The following NAALADL2 variants were observed in gnomAD, a reference collection of about 807,000 sequenced individuals.
NAALADL2 encodes the protein N-acetylated alpha-linked acidic dipeptidase like 2.
A neutral mutation model predicts 87.2 loss-of-function variants in NAALADL2; 76 were observed. The ratio of observed to expected loss-of-function variants is 0.87; its 90% CI spans 0.72 to 1.05. The LOEUF is 1.05. NAALADL2 is among the 50% of genes least tolerant of loss of function. The pLI is 0.00. For synonymous variants in NAALADL2, 354 were observed against 331.0 expected, an observed-to-expected ratio of 1.07 and a Z score of -0.75; for missense variants, 1,089 against 945.8, an observed-to-expected ratio of 1.15 and a Z score of -1.99.
chr3:174,660,744 AAAAG>A (rs1453627225), intron 2 of NAALADL2, among the ~76,000 whole-genome samples: 4 of 152,180 alleles, frequency 2.6e-5, no homozygotes, highest in South Asian at 2.1e-4. Flanking sequence ...TTAATAAACA[AAAAG>A]AACATAATTT....
chr3:175,486,131 T>C (rs1727226344), intron 9 of NAALADL2, among the ~76,000 whole-genome samples: 1 of 152,182 alleles, frequency 6.6e-6, no homozygotes, highest in Non-Finnish European at 1.5e-5. Flanking sequence ...CAAAAAGTTG[T>C]TCTGAAAATC....
chr3:175,592,161 G>A (rs1033288175), intron 10 of NAALADL2, among the ~76,000 whole-genome samples: 10 of 152,050 alleles, frequency 6.6e-5, no homozygotes, highest in Non-Finnish European at 1.5e-4. Context: ...GGGTATAATG[G>A]TATCTTTTTA....
intron 2 of NAALADL2, among the ~76,000 whole-genome samples, chr3:175,220,524 C>A (rs1393422687): frequency 1.3e-5 from 2 of 151,772 alleles, no homozygotes; most frequent in Non-Finnish European, 2.9e-5. Context: ...CTGTTTAATA[C>A]CTGTAAGATC....
At chr3:175,108,540 G>A (rs1427610908) in intron 2 of NAALADL2, among the ~76,000 whole-genome samples, 2 of 151,936 alleles carry the variant, frequency 1.3e-5, no homozygotes, top group African/African-American at 2.4e-5. Flanking sequence ...TAAAACAAGT[G>A]TGGGTGTTTT....
chr3:175,104,040 T>TA (rs748199311), intron 2 of NAALADL2, among the ~76,000 whole-genome samples: 1 of 152,160 alleles, frequency 6.6e-6, no homozygotes. Flanking sequence ...ACTCAGACAT[T>TA]AGGTTTGTTT....
chr3:174,756,527 T>G (rs1712102674), intron 3 of NAALADL2, among the ~76,000 whole-genome samples: 2 of 152,162 alleles, frequency 1.3e-5, no homozygotes, highest in African/African-American at 2.4e-5. Context: ...CCAAATAGTA[T>G]TAAGTTATTT....
intron 1 of NAALADL2, among the ~76,000 whole-genome samples, chr3:174,504,973 C>T (rs1719112831): frequency 6.6e-6 from 1 of 152,106 alleles, no homozygotes; most frequent in East Asian, 1.9e-4. Context: ...TAAACCATCT[C>T]CACTAATGGA....
intron 9 of NAALADL2, among the ~76,000 whole-genome samples, chr3:175,553,147 T>TA (rs1301801666): frequency 6.6e-6 from 1 of 152,162 alleles, no homozygotes; most frequent in Non-Finnish European, 1.5e-5. Flanking sequence ...TCCCAGAAAG[T>TA]AAACAGAAAT....
chr3:174,839,220 G>A lies in NAALADL2; in HGVS notation c.-9+101474G>A, dbSNP rs1429286523. Among the ~76,000 whole-genome samples, 11 of 152,092 alleles carry A rather than the reference G, an allele frequency of 7.2e-5. 1 individual carries two copies. In the East Asian group the frequency reaches 2.1e-3, roughly 29 times the overall value. ...TTACAGCCAACTGATCTTTGACAAA[G>A]CAAACAAAAACATAAAGTGGGCAAA... On this transcript the variant is annotated intron_variant, in intron 3 of 3. Coordinates refer to the NAALADL2 transcript ENST00000434257.
At chr3:174,508,083 T>G (rs956153999) in intron 1 of NAALADL2, among the ~76,000 whole-genome samples, 1 of 151,534 alleles carries the variant, frequency 6.6e-6, no homozygotes, top group Non-Finnish European at 1.5e-5. Context: ...TATGGCCAGT[T>G]TTTTAAATTT....
At chr3:174,872,124 G>T (rs1315591823) in intron 1 of NAALADL2, among the ~76,000 whole-genome samples, 5 of 152,106 alleles carry the variant, frequency 3.3e-5, no homozygotes, top group Admixed American at 1.3e-4. Flanking sequence ...CATACTTGAA[G>T]TAGTAATATG....
At chr3:175,020,727 T>C (rs1041947914) in intron 1 of NAALADL2, among the ~76,000 whole-genome samples, 3 of 152,040 alleles carry the variant, frequency 2.0e-5, no homozygotes, top group African/African-American at 7.2e-5. Flanking sequence ...GCCATACCAG[T>C]TCAGAAGTCA....
At chr3:175,646,928 G>A (rs9865296) in intron 11 of NAALADL2, among the ~76,000 whole-genome samples, 41,566 of 151,870 alleles carry the variant, frequency 0.27, 6,746 homozygotes, top group African/African-American at 0.46. Context: ...GAGTTCAAAA[G>A]TCTCAATAAC....
At chr3:175,231,937 A>G (rs1016854413) in intron 2 of NAALADL2, among the ~76,000 whole-genome samples, 3 of 152,074 alleles carry the variant, frequency 2.0e-5, no homozygotes, top group Non-Finnish European at 4.4e-5. Context: ...CAATGGAGAA[A>G]GGGGGTAGGA....
chr3:174,626,048 G>T, intron 2 of NAALADL2, among the ~76,000 whole-genome samples: 1 of 148,206 alleles, frequency 6.7e-6, no homozygotes, highest in Non-Finnish European at 1.5e-5. Context: ...TATATTTATT[G>T]TGCACAACTA....
intron 5 of NAALADL2, among the ~76,000 whole-genome samples, chr3:175,432,823 A>C (rs549524117): frequency 6.6e-6 from 1 of 152,186 alleles, no homozygotes; most frequent in East Asian, 1.9e-4. Context: ...CCGGACTTTG[A>C]CATGCTGACC....
chr3:175,179,927 TG>T (rs1204166335), intron 2 of NAALADL2, among the ~76,000 whole-genome samples: 1 of 152,040 alleles, frequency 6.6e-6, no homozygotes, highest in Non-Finnish European at 1.5e-5. Flanking sequence ...CATAGATTTT[TG>T]TTTGCCTTTA....
upstream of NAALADL2, among the ~76,000 whole-genome samples, chr3:174,857,689 C>A (rs553324112): frequency 1.3e-5 from 2 of 151,934 alleles, no homozygotes; most frequent in East Asian, 3.9e-4. Flanking sequence ...ATATATATTA[C>A]AGTATGCAAT....
intron 3 of NAALADL2, among the ~76,000 whole-genome samples, chr3:174,796,383 C>T (rs1718092071): frequency 6.6e-6 from 1 of 152,100 alleles, no homozygotes; most frequent in Non-Finnish European, 1.5e-5. Flanking sequence ...AAATGCTTTC[C>T]ACCCTTCTGA....
Sources: gnomAD v4.1 joint callset for allele counts (sites outside exome capture counted in the v4.1 genomes callset) on GRCh38, gnomAD v4.1.1 for gene constraint, MANE v1.5 for transcripts, NCBI Gene and HGNC (gene_info 2026-07-23, HGNC 2026-07-21) for gene names.